ANK3: variants seen among roughly 807,000 people sequenced by gnomAD.
The protein encoded by ANK3 is ankyrin 3, also known as ankyrin-3.
In ANK3, 57 loss-of-function variants were observed where a neutral mutation model predicts 370.9. That is an observed-to-expected ratio of 0.15 (90% CI 0.12 to 0.19). The LOEUF is 0.19. ANK3 is among the 10% of genes least tolerant of loss of function. ANK3 has a pLI of 1.00. For missense variants in ANK3, 4,439 were observed against 5,302.1 expected (o/e 0.84, Z 5.06); for synonymous variants, 1,929 against 1,946.3 (o/e 0.99, Z 0.23).
intron 4 of ANK3, among the ~76,000 whole-genome samples, chr10:60,275,812 T>G (rs1466986173): frequency 6.6e-6 from 1 of 152,230 alleles, no homozygotes; most frequent in African/African-American, 2.4e-5. Context: ...AGACTTTGCT[T>G]CTTTATAAAT....
At chr10:60,420,402 G>C (rs1048074541) in intron 2 of ANK3, among the ~76,000 whole-genome samples, 1 of 152,038 alleles carries the variant, frequency 6.6e-6, no homozygotes, top group African/African-American at 2.4e-5. Flanking sequence ...TCTAGCTGAA[G>C]AGAGAAGGAG....
intron 8 of ANK3, among the ~76,000 whole-genome samples, chr10:60,225,881 T>C (rs1050615878): frequency 2.0e-5 from 3 of 151,474 alleles, no homozygotes; most frequent in Non-Finnish European, 2.9e-5. Flanking sequence ...ATATATATCA[T>C]TGGCTGTCTT....
Position 60,198,540 on chromosome 10 carries a change from A to G in ANK3, c.1492-3T>C, listed in dbSNP as rs2096621701. ...ATGTGGAGTGGTGTTTGGTCATCCT[A>G]AACAGCAAGGTAGAAATGTAAGGCT... On this transcript the variant is annotated splice_polypyrimidine_tract_variant and splice_region_variant and intron_variant, in intron 13 of 43. Transcript: ENST00000280772. 1 of 1,613,962 alleles carries G rather than the reference A, an allele frequency of 6.2e-7. No individual in the cohort carries two copies. Among genetic ancestry groups the G allele is most frequent in the East Asian group, 2.2e-5 (1 of 44,868 alleles).
At chr10:60,710,311 T>C (rs766195994) in intron 1 of ANK3, among the ~76,000 whole-genome samples, 32 of 152,216 alleles carry the variant, frequency 2.1e-4, no homozygotes, top group Non-Finnish European at 3.7e-4. Flanking sequence ...TAGTTCAGTA[T>C]GTAATACAGG....
intron 2 of ANK3, among the ~76,000 whole-genome samples, chr10:60,520,129 C>A (rs555247998): frequency 2.0e-5 from 3 of 152,212 alleles, no homozygotes; most frequent in South Asian, 4.2e-4. Context: ...ATGTCCTTTG[C>A]AGCAACATGG....
chr10:60,477,005 T>G (rs530081315), intron 2 of ANK3, among the ~76,000 whole-genome samples: 6 of 152,194 alleles, frequency 3.9e-5, no homozygotes, highest in African/African-American at 1.4e-4. Context: ...AAAGAAAGCC[T>G]GCAAAAAAAT....
intron 2 of ANK3, among the ~76,000 whole-genome samples, chr10:60,606,892 T>C (rs1251505587): frequency 6.6e-6 from 1 of 152,166 alleles, no homozygotes; most frequent in African/African-American, 2.4e-5. Context: ...AAAATGTGAC[T>C]CTCACTGCTC....
At chr10:60,335,437 A>G (rs1049239457) in intron 1 of ANK3, among the ~76,000 whole-genome samples, 2 of 152,134 alleles carry the variant, frequency 1.3e-5, no homozygotes, top group African/African-American at 4.8e-5. Context: ...TAGACCATCT[A>G]TAAAATTTTC....
chr10:60,216,608 A>T (rs1315038670), intron 8 of ANK3, among the ~76,000 whole-genome samples: 1 of 152,160 alleles, frequency 6.6e-6, no homozygotes, highest in Non-Finnish European at 1.5e-5. Flanking sequence ...CATCCCAGGG[A>T]TGAAGCCGAT....
At chr10:60,682,958 G>A (rs1438562123) in intron 1 of ANK3, among the ~76,000 whole-genome samples, 2 of 152,192 alleles carry the variant, frequency 1.3e-5, no homozygotes, top group Non-Finnish European at 2.9e-5. Flanking sequence ...AAGTTCCAGA[G>A]GCTCTGACTT....
chr10:60,302,894 G>A (rs367870606), intron 1 of ANK3, among the ~76,000 whole-genome samples: 2 of 151,566 alleles, frequency 1.3e-5, no homozygotes, highest in East Asian at 1.9e-4. Context: ...TAGAAGGCCC[G>A]GAAAAAAATC....
At chr10:60,528,351 G>A (rs957443631) in intron 2 of ANK3, among the ~76,000 whole-genome samples, 3 of 151,846 alleles carry the variant, frequency 2.0e-5, no homozygotes, top group Non-Finnish European at 4.4e-5. Context: ...GGCCAGGCTG[G>A]TCTTGAACTC....
At chr10:60,321,275 C>T (rs558359629) in intron 1 of ANK3, among the ~76,000 whole-genome samples, 275 of 151,916 alleles carry the variant, frequency 1.8e-3, no homozygotes, top group African/African-American at 6.3e-3. Flanking sequence ...GTGGTCCCAG[C>T]TACTCAAGAG....
At chr10:60,107,451 G>A (rs865924258) in intron 27 of ANK3, among the ~76,000 whole-genome samples, 3 of 152,170 alleles carry the variant, frequency 2.0e-5, no homozygotes, top group Admixed American at 6.5e-5. Context: ...CTTTGATCAA[G>A]GTGAAAGCCA....
chr10:60,626,490 T>C (rs560082474), intron 1 of ANK3, among the ~76,000 whole-genome samples: 1 of 152,342 alleles, frequency 6.6e-6, no homozygotes, highest in Admixed American at 6.5e-5. Context: ...TACTGTGGTT[T>C]ATGCCTATGT....
intron 1 of ANK3, among the ~76,000 whole-genome samples, chr10:60,386,566 T>C (rs1161599753): frequency 6.6e-6 from 1 of 152,046 alleles, no homozygotes; most frequent in Non-Finnish European, 1.5e-5. Flanking sequence ...GGTAATCATG[T>C]ACTCATGATT....
chr10:60,724,071 G>A lies in ANK3; in HGVS notation c.57+9192C>T, dbSNP rs1242734747. Among the ~76,000 whole-genome samples, 3 of 129,484 alleles carry A rather than the reference G, an allele frequency of 2.3e-5. 1 individual carries two copies. The highest frequency in any genetic ancestry group is 3.4e-5 in the Non-Finnish European group (2 of 59,242). 84.9% of individuals were successfully genotyped at this position (129,484 alleles called of 152,430 possible). A position where few individuals can be genotyped will look rare whatever the true frequency, so the allele number is the denominator to read the frequency against. The stretch of plus-strand genomic sequence containing the variant: ...TAAAAATACAAAAAATTAGCCAGGT[G>A]TGGTGGCGGGCGCCTGTAGTCCCAG... On this transcript the variant is annotated intron_variant, in intron 1 of 43. Coordinates refer to the ANK3 transcript ENST00000373827.
intron 2 of ANK3, among the ~76,000 whole-genome samples, chr10:60,600,853 C>T (rs2078051504): frequency 6.6e-6 from 1 of 152,164 alleles, no homozygotes; most frequent in Non-Finnish European, 1.5e-5. Context: ...CTTAGCCATT[C>T]TCATCTACGA....
chr10:60,371,490 T>A (rs1473764974), intron 1 of ANK3, among the ~76,000 whole-genome samples: 1 of 152,226 alleles, frequency 6.6e-6, no homozygotes, highest in African/African-American at 2.4e-5. Flanking sequence ...ATGTTTTATT[T>A]TTTTGTACCC....
Sources: allele counts gnomAD v4.1 joint callset (sites outside exome capture counted in the v4.1 genomes callset), GRCh38; gene constraint gnomAD v4.1.1; transcripts MANE v1.5; gene names NCBI Gene and HGNC (gene_info 2026-07-23, HGNC 2026-07-21).